TNNI3K: variants seen among roughly 807,000 people sequenced by gnomAD.
TNNI3K encodes the protein serine/threonine-protein kinase TNNI3K.
A neutral mutation model predicts 114.5 loss-of-function variants in TNNI3K; 140 were observed. The ratio of observed to expected loss-of-function variants is 1.22; its 90% CI spans 1.07 to 1.41. The LOEUF is 1.41. Ranked by LOEUF, TNNI3K falls within the 40% of genes most tolerant of loss-of-function variation. The pLI is 0.00. For missense variants in TNNI3K, 1,125 were observed against 1,007.6 expected (o/e 1.12, Z -1.58); for synonymous variants, 347 against 347.5 (o/e 1.00, Z 0.02).
chr1:74,291,926 C>T (rs1028291146), intron 5 of TNNI3K, among the ~76,000 whole-genome samples: 1 of 151,336 alleles, frequency 6.6e-6, no homozygotes, highest in African/African-American at 2.4e-5. Context: ...TAATAATATA[C>T]AATACTAATT....
intron 21 of TNNI3K, among the ~76,000 whole-genome samples, chr1:74,486,201 A>AGAGAGAGAGAGAGAGAGAGAGAGAGAG (rs1668751420): frequency 7.3e-6 from 1 of 136,412 alleles, no homozygotes; most frequent in African/African-American, 2.6e-5. Context: ...AAATGCTATA[A>AGAGAGAGAGAGAGAGAGAGAGAGAGAG]AGAGAGAGAG....
chr1:74,431,250 T>C (rs889527965), intron 17 of TNNI3K, among the ~76,000 whole-genome samples: 1 of 152,128 alleles, frequency 6.6e-6, no homozygotes, highest in Non-Finnish European at 1.5e-5. Flanking sequence ...AACTAGGTAT[T>C]AAGCAGTCTT....
intron 17 of TNNI3K, among the ~76,000 whole-genome samples, chr1:74,433,729 T>C (rs1400381982): frequency 6.6e-6 from 1 of 152,074 alleles, no homozygotes; most frequent in Non-Finnish European, 1.5e-5. Context: ...GTGACCTCAA[T>C]GTGATAAATG....
At chr1:74,378,852 A>G (rs994986780) in intron 17 of TNNI3K, 1 of 151,452 alleles carries the variant, frequency 6.6e-6, no homozygotes, top group Non-Finnish European at 1.5e-5. Flanking sequence ...TCTGTGCTAC[A>G]TTGACCCTAT....
intron 23 of TNNI3K, among the ~76,000 whole-genome samples, chr1:74,512,318 GC>G (rs765390857): frequency 6.6e-6 from 1 of 152,114 alleles, no homozygotes; most frequent in Non-Finnish European, 1.5e-5. Flanking sequence ...CCCAAGATTG[GC>G]CCCTAGAACT....
chr1:74,361,265 T>C (rs1291831500), intron 11 of TNNI3K, among the ~76,000 whole-genome samples: 2 of 152,114 alleles, frequency 1.3e-5, no homozygotes, highest in East Asian at 3.9e-4. Flanking sequence ...TTAATGAGTT[T>C]GTCCTCATCT....
intron 4 of TNNI3K, among the ~76,000 whole-genome samples, chr1:74,255,617 C>T (rs1293722040): frequency 6.6e-6 from 1 of 152,012 alleles, no homozygotes; most frequent in Non-Finnish European, 1.5e-5. Flanking sequence ...TTGAGTTTTT[C>T]ACAGTGTTTA....
chr1:74,391,968 T>A (rs1280492423), intron 17 of TNNI3K, among the ~76,000 whole-genome samples: 28 of 141,030 alleles, frequency 2.0e-4, no homozygotes, highest in African/African-American at 5.4e-4. Context: ...TTTTTTTTTT[T>A]TTTTTTTTTT....
intron 5 of TNNI3K, among the ~76,000 whole-genome samples, chr1:74,278,934 A>C (rs1215222379): frequency 6.6e-6 from 1 of 152,204 alleles, no homozygotes; most frequent in Non-Finnish European, 1.5e-5. Context: ...GTTGATTTCT[A>C]TCAAAATTAT....
At chr1:74,451,143 G>A (rs979211272) in intron 20 of TNNI3K, among the ~76,000 whole-genome samples, 2 of 152,090 alleles carry the variant, frequency 1.3e-5, no homozygotes, top group Admixed American at 1.3e-4. Context: ...AACTAACACA[G>A]GAACAGAAAA....
intron 5 of TNNI3K, among the ~76,000 whole-genome samples, chr1:74,309,325 C>T (rs1185524255): frequency 3.1e-5 from 4 of 130,704 alleles, no homozygotes; most frequent in East Asian, 2.2e-4. Context: ...GCCGAGATTG[C>T]GCCACTGCAC....
chr1:74,239,148 G>T (rs1447261939), intron 2 of TNNI3K, among the ~76,000 whole-genome samples: 1 of 152,006 alleles, frequency 6.6e-6, no homozygotes, highest in African/African-American at 2.4e-5. Context: ...AGAGTCAAGA[G>T]AATCAAAAAC....
intron 21 of TNNI3K, chr1:74,472,312 G>A (rs1287859248): frequency 1.6e-6 from 1 of 608,056 alleles, no homozygotes; most frequent in Non-Finnish European, 2.9e-6. Context: ...TCTGATAATT[G>A]CAGTTCTTCA....
At chr1:74,514,271 G>A (rs563665670) in intron 23 of TNNI3K, among the ~76,000 whole-genome samples, 33 of 152,232 alleles carry the variant, frequency 2.2e-4, no homozygotes, top group Non-Finnish European at 2.8e-4. Flanking sequence ...GTTTTAAAGC[G>A]TTTTCACACA....
rs537162129 is a variant in TNNI3K, at chr1:74,538,044, T to A, written c.2352-2190T>A. The stretch of plus-strand genomic sequence containing the variant: ...GGTGTCAGGATTCAAATTCAAGGAG[T>A]CTGGCACTAAAATGCTCATTCTTAA... On this transcript the variant is annotated intron_variant, in intron 23 of 24. Coordinates refer to ENST00000326637, the MANE Select transcript of TNNI3K (RefSeq NM_015978.3). Among the ~76,000 whole-genome samples, 5 of 152,174 alleles carry A rather than the reference T, an allele frequency of 3.3e-5. No individual in the cohort carries two copies. In the South Asian group the frequency reaches 1.0e-3, roughly 32 times the overall value.
intron 23 of TNNI3K, among the ~76,000 whole-genome samples, chr1:74,518,487 C>A (rs1646380654): frequency 2.6e-5 from 4 of 152,056 alleles, no homozygotes; most frequent in Non-Finnish European, 1.5e-5. Flanking sequence ...CCTCAAGGAT[C>A]TCTGATTCTC....
chr1:74,460,225 G>A (rs940610152), intron 20 of TNNI3K, among the ~76,000 whole-genome samples: 7 of 152,118 alleles, frequency 4.6e-5, no homozygotes, highest in South Asian at 4.1e-4. Context: ...CAGCCACCAC[G>A]TCCAGCTAAT....
chr1:74,475,342 C>G (rs1337598842), intron 21 of TNNI3K: 3 of 711,638 alleles, frequency 4.2e-6, no homozygotes, highest in Admixed American at 4.1e-5. Context: ...CTGGACTTCT[C>G]CAGGCTCAAG....
At chr1:74,333,778 G>C (rs972343118) in intron 6 of TNNI3K, among the ~76,000 whole-genome samples, 3 of 152,156 alleles carry the variant, frequency 2.0e-5, no homozygotes, top group Non-Finnish European at 4.4e-5. Context: ...TTTGCACCAA[G>C]AGCAATATTT....
Sources: gnomAD v4.1 joint callset for allele counts (sites outside exome capture counted in the v4.1 genomes callset) on GRCh38, gnomAD v4.1.1 for gene constraint, MANE v1.5 for transcripts, NCBI Gene and HGNC (gene_info 2026-07-23, HGNC 2026-07-21) for gene names.